Variants in ROCK1 observed in about 807,000 individuals in gnomAD.
The protein encoded by ROCK1 is rho-associated protein kinase 1.
Under a neutral mutation model 196.8 loss-of-function variants are expected in ROCK1, and 36 were observed. The observed-to-expected ratio is 0.18, with a 90% CI of 0.14 to 0.24. The LOEUF is 0.24. Ranked by LOEUF, ROCK1 falls within the 10% of genes least tolerant of loss-of-function variation. The pLI, the probability that ROCK1 is intolerant of heterozygous loss-of-function variation, is 1.00. For missense variants in ROCK1, 920 were observed against 1,562.0 expected (o/e 0.59, Z 6.93); for synonymous variants, 443 against 515.9 (o/e 0.86, Z 1.91).
chr18:20,972,852 A>G (rs1223412826), intron 22 of ROCK1, among the ~76,000 whole-genome samples: 1 of 152,212 alleles, frequency 6.6e-6, no homozygotes, highest in African/African-American at 2.4e-5. Flanking sequence ...GGCTATAAAA[A>G]AAAGAAAAGT....
chr18:21,070,536 G>C lies in ROCK1; in HGVS notation c.171C>G (p.Ser57Arg), dbSNP rs766155887. The C allele has an allele frequency of 1.3e-6, 2 of 1,570,966 alleles. No homozygotes were observed. Among genetic ancestry groups the C allele is most frequent in the Admixed American group, 3.4e-5 (2 of 58,854 alleles). Residue 57 changes from serine to arginine, a missense_variant, in exon 2 of 33, where the codon AGC becomes AGG. By Grantham distance (110) the Ser-to-Arg change is moderately radical. This residue lies in a region of ROCK1 where 234 missense variants were observed against 460.7 expected (regional missense o/e 0.51). Transcript: ENST00000399799. ...CCTCCACAAAAAATTACTTACATCT[G>C]CTTAAAAAGTTGTCAATATTTTTGT... ...RKNKNIDNFL[S>R]RYKDTINKIR... is the part of the protein sequence containing the mutation.
chr18:21,053,769 C>G (rs1481951927), intron 2 of ROCK1, among the ~76,000 whole-genome samples: 1 of 152,080 alleles, frequency 6.6e-6, no homozygotes, highest in East Asian at 1.9e-4. Context: ...CCTAGGAGTT[C>G]AAGGCTGCAG....
intron 1 of ROCK1, among the ~76,000 whole-genome samples, chr18:21,095,691 T>C (rs1394299723): frequency 6.8e-6 from 1 of 147,608 alleles, no homozygotes; most frequent in African/African-American, 2.5e-5. Context: ...GGAAGGGTAG[T>C]AGGGGAGAAA....
At chr18:20,966,524 A>C (rs1001948571) in intron 27 of ROCK1, among the ~76,000 whole-genome samples, 5 of 152,222 alleles carry the variant, frequency 3.3e-5, no homozygotes, top group African/African-American at 1.2e-4. Context: ...GATAAAGTAC[A>C]GTTCTTAGTT....
chr18:21,111,266 G>A lies in ROCK1; in HGVS notation c.-356C>T. On this transcript the variant is annotated 5_prime_UTR_variant, in exon 1 of 33. Coordinates refer to ENST00000399799, the MANE Select transcript of ROCK1 (RefSeq NM_005406.3). The surrounding 1 kb of genome is among the most constrained non-coding windows in gnomAD (Gnocchi z 4.2). ...TGGAGGGGTCCCCGTCCCGAGATGG[G>A]CAGGAGCGGGTAGAGAAAGAGAAGC... 1 of 478,776 alleles carries A rather than the reference G, an allele frequency of 2.1e-6. No individual in the cohort carries two copies. The highest frequency in any genetic ancestry group is 3.7e-6 in the Non-Finnish European group (1 of 273,764). 29.7% of individuals were successfully genotyped at this position (478,776 alleles called of 1,614,324 possible).
chr18:20,974,181 T>C (rs1327142877), intron 22 of ROCK1, among the ~76,000 whole-genome samples: 2 of 152,242 alleles, frequency 1.3e-5, no homozygotes, highest in African/African-American at 2.4e-5. Flanking sequence ...TGAAAGAGAA[T>C]AGATGTTCTC....
At chr18:21,025,838 T>C (rs1311834660) in intron 10 of ROCK1, among the ~76,000 whole-genome samples, 1 of 152,214 alleles carries the variant, frequency 6.6e-6, no homozygotes, top group Non-Finnish European at 1.5e-5. Flanking sequence ...TATATTTATT[T>C]GTCAATAGGC....
intron 16 of ROCK1, among the ~76,000 whole-genome samples, chr18:20,995,318 G>C (rs1467446701): frequency 2.0e-5 from 3 of 152,116 alleles, no homozygotes; most frequent in African/African-American, 2.4e-5. Flanking sequence ...AAATAAAACA[G>C]GGGGAGGCAG....
chr18:21,059,064 TTCAAACTCC>T (rs1032549941), intron 2 of ROCK1, among the ~76,000 whole-genome samples: 1 of 152,084 alleles, frequency 6.6e-6, no homozygotes, highest in African/African-American at 2.4e-5. Flanking sequence ...GACTCCTAAA[TTCAAACTCC>T]TCAACATGGC....
chr18:20,964,769 A>T (rs1319810338), intron 27 of ROCK1, among the ~76,000 whole-genome samples: 2 of 152,230 alleles, frequency 1.3e-5, no homozygotes, highest in African/African-American at 4.8e-5. Flanking sequence ...TCTTTGCTCA[A>T]TAAGTCAATT....
intron 3 of ROCK1, 98 bp downstream of exon 3, chr18:21,049,682 T>C (rs1377250994): frequency 2.5e-6 from 2 of 791,790 alleles, no homozygotes; most frequent in African/African-American, 3.7e-5. Context: ...AAGCAACAAT[T>C]CTATAAAAAC....
chr18:21,035,282 T>C (rs540836938), intron 9 of ROCK1, among the ~76,000 whole-genome samples: 1 of 152,256 alleles, frequency 6.6e-6, no homozygotes, highest in South Asian at 2.1e-4. Context: ...GTGGCTCACG[T>C]CTGCAATCCC....
At chr18:20,984,864 A>G (rs575520861) in intron 19 of ROCK1, among the ~76,000 whole-genome samples, 1 of 152,286 alleles carries the variant, frequency 6.6e-6, no homozygotes, top group East Asian at 1.9e-4. Context: ...CTGTAATCCC[A>G]GCACTTTGGG....
chr18:20,963,731 G>C (rs994419773), intron 27 of ROCK1, among the ~76,000 whole-genome samples: 3 of 152,120 alleles, frequency 2.0e-5, no homozygotes, highest in Admixed American at 2.0e-4. Context: ...ATGAGGAAAA[G>C]AAACAGTTAT....
intron 27 of ROCK1, among the ~76,000 whole-genome samples, chr18:20,963,521 C>T (rs1052847354): frequency 1.3e-5 from 2 of 152,052 alleles, no homozygotes; most frequent in Admixed American, 6.6e-5. Flanking sequence ...TTGGGAAACA[C>T]ACCAAGAGAT....
At chr18:20,957,826 C>A (rs1013402323) in intron 29 of ROCK1, among the ~76,000 whole-genome samples, 2 of 148,974 alleles carry the variant, frequency 1.3e-5, no homozygotes, top group African/African-American at 2.5e-5. Context: ...AAAAAAAATT[C>A]TTTTTTCAGA....
Position 21,085,916 on chromosome 18 carries a change from A to G in ROCK1, c.94-15303T>C, listed in dbSNP as rs2036522696. ...AGGAGGATTTCCTCCCTACTGCCTT[A>G]AAGTTTTATAGGTATGGGTGAACAC... On this transcript the variant is annotated intron_variant, in intron 1 of 32. Coordinates refer to ENST00000399799, the MANE Select transcript of ROCK1 (RefSeq NM_005406.3). Among the ~76,000 whole-genome samples, 6 of 152,286 alleles carry G rather than the reference A, an allele frequency of 3.9e-5. No homozygotes were observed. In the South Asian group the frequency reaches 1.2e-3, roughly 32 times the overall value.
intron 1 of ROCK1, among the ~76,000 whole-genome samples, chr18:21,100,597 AAAAG>A (rs2036651155): frequency 6.6e-6 from 1 of 152,276 alleles, no homozygotes; most frequent in South Asian, 2.1e-4. Flanking sequence ...AAAAAAAAAA[AAAAG>A]ACTGAGAGCG....
chr18:20,962,938 C>A (rs2035340681), intron 27 of ROCK1, among the ~76,000 whole-genome samples: 1 of 152,006 alleles, frequency 6.6e-6, no homozygotes, highest in Non-Finnish European at 1.5e-5. Context: ...AGATAATATA[C>A]TTACCAGTTT....
Sources: gnomAD v4.1 joint callset for allele counts (sites outside exome capture counted in the v4.1 genomes callset) on GRCh38, gnomAD v4.1.1 for gene constraint, gnomAD v4.1.1 regional missense constraint, Gnocchi (gnomAD v3.1) non-coding constraint, MANE v1.5 for transcripts, NCBI Gene and HGNC (gene_info 2026-07-23, HGNC 2026-07-21) for gene names.